The following ANKFN1 variants were observed in gnomAD, a reference collection of about 807,000 sequenced individuals.
The protein encoded by ANKFN1 is ankyrin repeat and fibronectin type-III domain-containing protein 1.
ANKFN1 carries 74 observed loss-of-function variants against 108.7 expected under a neutral mutation model. The ratio of observed to expected loss-of-function variants is 0.68; its 90% CI spans 0.56 to 0.83. The LOEUF is 0.83. Among genes scored for constraint, ANKFN1 ranks in the 40% least tolerant of loss-of-function variants. The pLI is 0.00. For missense variants in ANKFN1, 1,505 were observed against 1,382.3 expected, an observed-to-expected ratio of 1.09 and a Z score of -1.41; for synonymous variants, 547 against 516.2, an observed-to-expected ratio of 1.06 and a Z score of -0.81.
At chr17:56,129,000 A>G (rs1907103444) in intron 4 of ANKFN1, among the ~76,000 whole-genome samples, 1 of 152,196 alleles carries the variant, frequency 6.6e-6, no homozygotes, top group Non-Finnish European at 1.5e-5. Flanking sequence ...TACTACATAT[A>G]AATATACATT....
intron 10 of ANKFN1, among the ~76,000 whole-genome samples, chr17:56,446,803 G>A (rs2049309753): frequency 1.3e-5 from 2 of 152,068 alleles, no homozygotes; most frequent in South Asian, 2.1e-4. Context: ...TACTAGGGAG[G>A]CTGAGGCAGG....
intron 3 of ANKFN1, among the ~76,000 whole-genome samples, chr17:56,315,264 A>C (rs761083791): frequency 8.5e-5 from 13 of 152,194 alleles, no homozygotes; most frequent in Non-Finnish European, 1.6e-4. Context: ...TTTCTTTAAG[A>C]ATTAAATGTA....
At chr17:56,172,783 G>A (rs760243454) in intron 1 of ANKFN1, among the ~76,000 whole-genome samples, 4 of 152,142 alleles carry the variant, frequency 2.6e-5, no homozygotes, top group Admixed American at 6.5e-5. Flanking sequence ...CTTGTCCCAC[G>A]CTGTCTTAAA....
At chr17:56,316,508 C>T (rs557533143) in intron 3 of ANKFN1, among the ~76,000 whole-genome samples, 170 of 152,150 alleles carry the variant, frequency 1.1e-3, no homozygotes, top group African/African-American at 3.7e-3. Flanking sequence ...CTGGAAAATA[C>T]GGAAGGCTTC....
chr17:56,194,138 A>T (rs925149049), intron 1 of ANKFN1, among the ~76,000 whole-genome samples: 7 of 152,300 alleles, frequency 4.6e-5, no homozygotes, highest in Middle Eastern at 3.4e-3. Context: ...GCTTGTGGGG[A>T]TGTGGAGCAA....
At chr17:56,259,389 A>G (rs2043443952) in intron 3 of ANKFN1, among the ~76,000 whole-genome samples, 1 of 152,200 alleles carries the variant, frequency 6.6e-6, no homozygotes, top group African/African-American at 2.4e-5. Context: ...AATGTATATG[A>G]TATGCCAAAT....
chr17:56,220,884 G>A (rs910540328), intron 2 of ANKFN1, among the ~76,000 whole-genome samples: 2 of 61,212 alleles, frequency 3.3e-5, no homozygotes, highest in African/African-American at 1.4e-4. Flanking sequence ...GGGAGGGAGG[G>A]AGGGAGGAAG....
intron 3 of ANKFN1, among the ~76,000 whole-genome samples, chr17:56,244,452 TCTC>T (rs1330046100): frequency 6.6e-6 from 1 of 152,082 alleles, no homozygotes; most frequent in Non-Finnish European, 1.5e-5. Flanking sequence ...ATCATGAACT[TCTC>T]AATCTTCAAC....
chr17:56,339,745 T>C (rs4793811), intron 4 of ANKFN1, among the ~76,000 whole-genome samples: 1 of 152,192 alleles, frequency 6.6e-6, no homozygotes, highest in Non-Finnish European at 1.5e-5. Flanking sequence ...TTTGCTACTG[T>C]GAATAGTCCT....
At chr17:56,379,073 C>T (rs535022236) in intron 8 of ANKFN1, among the ~76,000 whole-genome samples, 17 of 152,212 alleles carry the variant, frequency 1.1e-4, no homozygotes, top group Non-Finnish European at 2.1e-4. Flanking sequence ...AAAATGTTAA[C>T]CCTCAAACTA....
chr17:56,316,312 T>C (rs930402581), intron 3 of ANKFN1, among the ~76,000 whole-genome samples: 3 of 152,300 alleles, frequency 2.0e-5, no homozygotes, highest in Non-Finnish European at 2.9e-5. Flanking sequence ...CTCTCCTTAA[T>C]ACTAAGGATC....
intron 20 of ANKFN1, among the ~76,000 whole-genome samples, chr17:56,508,650 A>G (rs1378822386): frequency 6.6e-6 from 1 of 150,780 alleles, no homozygotes; most frequent in East Asian, 1.9e-4. Context: ...GGAGGGAGAA[A>G]AATAAATGAA....
At chr17:56,102,747 A>G (rs1447032432) in intron 4 of ANKFN1, among the ~76,000 whole-genome samples, 1 of 152,012 alleles carries the variant, frequency 6.6e-6, no homozygotes, top group African/African-American at 2.4e-5. Flanking sequence ...TTCCTATAAC[A>G]TCATCATTTT....
intron 3 of ANKFN1, among the ~76,000 whole-genome samples, chr17:56,307,472 A>G (rs2144410297): frequency 6.6e-6 from 1 of 152,380 alleles, no homozygotes; most frequent in African/African-American, 2.4e-5. Context: ...AAGACACATG[A>G]GAAAATGCTC....
rs1017234045 is a variant in ANKFN1, at chr17:56,153,501, G to T, written c.-100G>T. The T allele has an allele frequency of 1.2e-6, 2 of 1,614,092 alleles. No homozygotes were observed. Among genetic ancestry groups the T allele is most frequent in the Admixed American group, 3.3e-5 (2 of 60,026 alleles). On this transcript the variant is annotated 5_prime_UTR_variant, in exon 1 of 21. Transcript: ENST00000682825. Reference sequence around the variant, plus strand: ...TCTTTCAACTCAAGAGCTCAGTCCTGTGTCTCTCATGGAGGCGTCTCTAAC... The same window carrying T: ...TCTTTCAACTCAAGAGCTCAGTCCTTTGTCTCTCATGGAGGCGTCTCTAAC...
chr17:56,081,906 G>A (rs2143167166), intron 4 of ANKFN1, among the ~76,000 whole-genome samples: 1 of 152,298 alleles, frequency 6.6e-6, no homozygotes, highest in Middle Eastern at 3.4e-3. Context: ...GCCTCTTAGT[G>A]GGCGTGTGTG....
intron 3 of ANKFN1, among the ~76,000 whole-genome samples, chr17:56,280,207 T>C (rs2044041351): frequency 6.6e-6 from 1 of 151,930 alleles, no homozygotes; most frequent in African/African-American, 2.4e-5. Context: ...GAAATATATA[T>C]ATATTTCTAC....
chr17:56,350,949 T>G lies in ANKFN1; in HGVS notation c.372T>G (p.Ser124Arg). 1 of 1,613,584 alleles carries G rather than the reference T, an allele frequency of 6.2e-7. No homozygotes were observed. Among genetic ancestry groups the G allele is most frequent in the Non-Finnish European group, 8.5e-7 (1 of 1,179,768 alleles). Residue 124 changes from serine to arginine, a missense_variant, in exon 5 of 21, where the codon AGT becomes AGG. Transcript: ENST00000682825. ...TTAGGACAAGAACTGATCGGCTGAG[T>G]CTCAGGAAGACCTCGGTGGTAACAA... ...AYFRTRTDRL[S>R]LRKTSVNFQG...
intron 4 of ANKFN1, among the ~76,000 whole-genome samples, chr17:56,075,172 T>C (rs148007360): frequency 2.5e-4 from 38 of 152,314 alleles, no homozygotes; most frequent in African/African-American, 8.4e-4. Flanking sequence ...TGTGGAGTCA[T>C]GTAGCACCTG....
Sources: gnomAD v4.1 joint callset for allele counts (sites outside exome capture counted in the v4.1 genomes callset) on GRCh38, gnomAD v4.1.1 for gene constraint, MANE v1.5 for transcripts, NCBI Gene and HGNC (gene_info 2026-07-23, HGNC 2026-07-21) for gene names.